The following GLIS3 variants were observed in gnomAD, a reference collection of about 807,000 sequenced individuals.
GLIS3 encodes zinc finger protein GLIS3.
Under a neutral mutation model 78.6 loss-of-function variants are expected in GLIS3, and 53 were observed. The observed-to-expected ratio is 0.67, with a 90% CI of 0.54 to 0.85. The LOEUF is 0.85. Among genes scored for constraint, GLIS3 ranks in the 40% least tolerant of loss-of-function variants. GLIS3 has a pLI of 0.00. For missense variants in GLIS3, 1,703 were observed against 1,231.1 expected (o/e 1.38, Z -5.74); for synonymous variants, 684 against 509.9 (o/e 1.34, Z -4.60).
At chr9:4,316,906 AG>A (rs1341553057) in intron 2 of GLIS3, among the ~76,000 whole-genome samples, 8 of 152,192 alleles carry the variant, frequency 5.3e-5, no homozygotes, top group Non-Finnish European at 8.8e-5. Context: ...AAACCATCAT[AG>A]GAACTTAACT....
At chr9:4,248,017 G>A (rs900586818) in intron 2 of GLIS3, among the ~76,000 whole-genome samples, 4 of 152,176 alleles carry the variant, frequency 2.6e-5, no homozygotes, top group African/African-American at 9.6e-5. Context: ...TGTACCCTTG[G>A]ACCAGTAATT....
chr9:4,449,081 C>T, the GLIS3 span, among the ~76,000 whole-genome samples: 5 of 152,188 alleles, frequency 3.3e-5, no homozygotes, highest in Non-Finnish European at 5.9e-5. Flanking sequence ...GAAGCTGTGA[C>T]AGACGGCACC....
At chr9:4,130,302 G>T (rs1419610793) in intron 2 of GLIS3, among the ~76,000 whole-genome samples, 2 of 152,226 alleles carry the variant, frequency 1.3e-5, no homozygotes, top group African/African-American at 4.8e-5. Context: ...GCAGGCTGCA[G>T]AAATTTGCAT....
chr9:4,013,351 G>A (rs1588452841), intron 4 of GLIS3, among the ~76,000 whole-genome samples: 1 of 152,194 alleles, frequency 6.6e-6, no homozygotes, highest in East Asian at 1.9e-4. Context: ...CTTTTTTAAA[G>A]GTTTGTTGTG....
chr9:4,018,529 G>A (rs1401278858), intron 4 of GLIS3, among the ~76,000 whole-genome samples: 1 of 152,206 alleles, frequency 6.6e-6, no homozygotes, highest in East Asian at 1.9e-4. Context: ...GAAAAGGTAA[G>A]GGGCTTCACA....
the GLIS3 span, among the ~76,000 whole-genome samples, chr9:4,365,289 G>A: frequency 6.6e-6 from 1 of 152,184 alleles, no homozygotes. Context: ...CAGGCTGGGT[G>A]CGGTGGCTCA....
chr9:4,454,374 C>G, the GLIS3 span, among the ~76,000 whole-genome samples: 1 of 152,064 alleles, frequency 6.6e-6, no homozygotes, highest in Non-Finnish European at 1.5e-5. Flanking sequence ...AAAATCAGAT[C>G]GAACAAGAAA....
At chr9:3,859,216 A>G (rs1819995315) in intron 8 of GLIS3, among the ~76,000 whole-genome samples, 1 of 152,188 alleles carries the variant, frequency 6.6e-6, no homozygotes, top group Non-Finnish European at 1.5e-5. Flanking sequence ...GCAAACAAAC[A>G]AACAGAAAAC....
At chr9:4,241,959 C>T (rs1823363300) in intron 2 of GLIS3, among the ~76,000 whole-genome samples, 1 of 152,230 alleles carries the variant, frequency 6.6e-6, no homozygotes. Flanking sequence ...GCTGAGATTA[C>T]AGGCATCGGC....
At chr9:4,159,578 G>A (rs1191320088) in intron 2 of GLIS3, among the ~76,000 whole-genome samples, 5 of 152,112 alleles carry the variant, frequency 3.3e-5, no homozygotes, top group Non-Finnish European at 7.4e-5. Context: ...AATTAACTGG[G>A]CATGGTGGCA....
chr9:4,275,927 A>G (rs560761630), intron 2 of GLIS3, among the ~76,000 whole-genome samples: 1 of 152,268 alleles, frequency 6.6e-6, no homozygotes, highest in African/African-American at 2.4e-5. Context: ...TCAATATGAA[A>G]GTTTGTGAAC....
chr9:4,065,924 G>C (rs1827056185), intron 4 of GLIS3, among the ~76,000 whole-genome samples: 1 of 151,470 alleles, frequency 6.6e-6, no homozygotes, highest in Non-Finnish European at 1.5e-5. Context: ...ACAAGGATAG[G>C]AAAATAGATT....
the GLIS3 span, among the ~76,000 whole-genome samples, chr9:4,439,972 C>T: frequency 6.6e-6 from 1 of 152,186 alleles, no homozygotes; most frequent in African/African-American, 2.4e-5. Context: ...CATGAGCCAC[C>T]GTGCCCAGCC....
In GLIS3 at chr9:4,118,701, G is replaced by A. The variant is rs766739598; in HGVS notation, c.777C>T (p.Ser259=). ...AGTTAGAGACACTATTGCTGGACAT[G>A]GATGTCCCGGGAGGAAGGCTAAGGA... The part of the protein sequence containing the change: ...GDLLSLPPGT[S]MSSNSVSNSL... The change falls in exon 4 of 11, where the codon TCC becomes TCT. Residue 259 remains serine (S), a synonymous_variant. Coordinates refer to ENST00000381971, the MANE Select transcript of GLIS3 (RefSeq NM_001042413.2). This position sits in a 1 kb window ranked among gnomAD's most constrained non-coding sequence, Gnocchi z 4.7. The A allele has an allele frequency of 7.4e-6, 12 of 1,613,932 alleles. No homozygotes were observed. The highest frequency in any genetic ancestry group is 9.3e-6 in the Non-Finnish European group (11 of 1,179,970).
In GLIS3 at chr9:4,116,618, C is replaced by T. The variant is rs77212163; in HGVS notation, c.1710+1150G>A. On this transcript the variant is annotated intron_variant, in intron 4 of 10. Coordinates refer to ENST00000381971, the MANE Select transcript of GLIS3 (RefSeq NM_001042413.2). ...GTTTGCTTTTACATGAATAAGAAAC[C>T]TTGGCCAATCTATAATCAAGCATAC... 1.3e-4 allele frequency among the ~76,000 whole-genome samples: 20 copies of T among 152,262 alleles called. 1 individual carries two copies. The East Asian group carries it at 3.5e-3, about 26-fold the overall frequency.
chr9:4,060,438 T>G (rs1750558719), intron 4 of GLIS3, among the ~76,000 whole-genome samples: 1 of 152,202 alleles, frequency 6.6e-6, no homozygotes, highest in African/African-American at 2.4e-5. Flanking sequence ...ATTTAATATT[T>G]GCCCCCGTGT....
At chr9:4,412,537 G>C in the GLIS3 span, among the ~76,000 whole-genome samples, 17 of 152,142 alleles carry the variant, frequency 1.1e-4, no homozygotes, top group African/African-American at 4.1e-4. Flanking sequence ...GCTAGACTTA[G>C]GGACATGGAT....
At chr9:4,429,563 T>A in the GLIS3 span, among the ~76,000 whole-genome samples, 119 of 152,330 alleles carry the variant, frequency 7.8e-4, 1 homozygote, top group Non-Finnish European at 1.2e-3. Flanking sequence ...CATGTTCTCT[T>A]AATGCTAAGG....
intron 4 of GLIS3, among the ~76,000 whole-genome samples, chr9:4,006,701 AATGGATACAGCTTAG>A (rs1331835064): frequency 7.2e-5 from 11 of 152,240 alleles, no homozygotes; most frequent in Non-Finnish European, 1.5e-5. Flanking sequence ...TTTAACAGGA[AATGGATACAGCTTAG>A]ATTTAAAATC....
Sources: allele counts gnomAD v4.1 joint callset (sites outside exome capture counted in the v4.1 genomes callset), GRCh38; gene constraint gnomAD v4.1.1; non-coding constraint Gnocchi (gnomAD v3.1); transcripts MANE v1.5; gene names NCBI Gene and HGNC (gene_info 2026-07-23, HGNC 2026-07-21).